The following PTPRD variants were observed in gnomAD, a reference collection of about 807,000 sequenced individuals.
PTPRD encodes the protein protein tyrosine phosphatase receptor type D, also known as receptor-type tyrosine-protein phosphatase delta.
PTPRD carries 34 observed loss-of-function variants against 214.5 expected under a neutral mutation model. The ratio of observed to expected loss-of-function variants is 0.16; its 90% CI spans 0.12 to 0.21. The LOEUF is 0.21. Ranked by LOEUF, PTPRD falls within the 10% of genes least tolerant of loss-of-function variation. PTPRD has a pLI of 1.00. For synonymous variants in PTPRD, 1,128 were observed against 845.7 expected (o/e 1.33, Z -5.79); for missense variants, 2,545 against 2,398.7 (o/e 1.06, Z -1.27).
At chr9:8,866,071 G>A (rs946679772) in intron 11 of PTPRD, among the ~76,000 whole-genome samples, 1 of 152,086 alleles carries the variant, frequency 6.6e-6, no homozygotes, top group Non-Finnish European at 1.5e-5. Flanking sequence ...TCATTTGCCT[G>A]TAAACATTAT....
intron 2 of PTPRD, among the ~76,000 whole-genome samples, chr9:10,426,269 TAATC>T (rs1292008035): frequency 6.6e-6 from 1 of 152,046 alleles, no homozygotes; most frequent in Non-Finnish European, 1.5e-5. Flanking sequence ...AAGTTTAAGT[TAATC>T]AATTCTCATT....
intron 8 of PTPRD, among the ~76,000 whole-genome samples, chr9:9,542,365 A>G (rs1209346154): frequency 1.3e-5 from 2 of 151,724 alleles, no homozygotes; most frequent in Admixed American, 6.6e-5. Flanking sequence ...ATATAGGAGA[A>G]TATCTTCAAG....
chr9:8,887,362 C>G (rs1051077595), intron 11 of PTPRD, among the ~76,000 whole-genome samples: 4 of 152,148 alleles, frequency 2.6e-5, no homozygotes, highest in Admixed American at 2.6e-4. Context: ...GATGCTGGCT[C>G]CTGCACATAG....
intron 12 of PTPRD, among the ~76,000 whole-genome samples, chr9:8,651,748 T>C (rs1283582022): frequency 2.6e-5 from 4 of 152,190 alleles, no homozygotes; most frequent in South Asian, 2.1e-4. Flanking sequence ...CGAAATCTGT[T>C]ATGTTTTGGC....
At chr9:9,759,807 T>C (rs954575292) in intron 6 of PTPRD, among the ~76,000 whole-genome samples, 2 of 152,172 alleles carry the variant, frequency 1.3e-5, no homozygotes, top group African/African-American at 4.8e-5. Context: ...TTCCCCTGCC[T>C]CGGGCTCCCA....
Position 8,515,089 on chromosome 9 carries a change from G to A in PTPRD, c.1543+2759C>T, listed in dbSNP as rs2097761000. On this transcript the variant is annotated intron_variant, in intron 21 of 45. Coordinates refer to ENST00000381196, the MANE Select transcript of PTPRD (RefSeq NM_002839.4). ...TTTCCTTTGTAAATTACTCAGTCAT[G>A]GGTATCTCTTTATAGCAGTGTGAAA... Among the ~76,000 whole-genome samples, 3 of 152,140 alleles carry A rather than the reference G, an allele frequency of 2.0e-5. No homozygotes were observed. The South Asian group carries it at 6.2e-4, about 31-fold the overall frequency.
intron 3 of PTPRD, among the ~76,000 whole-genome samples, chr9:10,266,144 C>T (rs2094040243): frequency 6.6e-6 from 1 of 151,980 alleles, no homozygotes; most frequent in African/African-American, 2.4e-5. Flanking sequence ...CACACACATA[C>T]ACACACACAG....
intron 10 of PTPRD, among the ~76,000 whole-genome samples, chr9:9,074,740 G>T (rs983307606): frequency 1.3e-5 from 2 of 151,422 alleles, no homozygotes; most frequent in Non-Finnish European, 2.9e-5. Context: ...AGTTGTTTGA[G>T]CTCCTTGTAT....
chr9:9,736,895 CACTT>C (rs1169712210), intron 6 of PTPRD, among the ~76,000 whole-genome samples: 2 of 151,982 alleles, frequency 1.3e-5, no homozygotes, highest in African/African-American at 4.8e-5. Context: ...CTTTTTTACT[CACTT>C]ACTGTTTCTT....
At chr9:10,136,609 C>G (rs550902265) in intron 3 of PTPRD, among the ~76,000 whole-genome samples, 1 of 85,830 alleles carries the variant, frequency 1.2e-5, no homozygotes, top group South Asian at 5.6e-4. Flanking sequence ...AGAAGAAAAC[C>G]TAGGCATTAC....
At chr9:8,489,495 C>T (rs2136143093) in intron 27 of PTPRD, among the ~76,000 whole-genome samples, 1 of 152,206 alleles carries the variant, frequency 6.6e-6, no homozygotes, top group East Asian at 1.9e-4. Context: ...GGAAGTGCCA[C>T]AAAGCATAAA....
At position 8,528,788 on chromosome 9, in the gene PTPRD, C is replaced by CA; in HGVS notation, c.353-10dup. On this transcript the variant is annotated splice_polypyrimidine_tract_variant and intron_variant, in intron 14 of 45. Coordinates refer to ENST00000381196, the MANE Select transcript of PTPRD (RefSeq NM_002839.4). ...CCTGGGAATTTGATCTTCTGCAAGA[C>CA]AAAAGGTGATAGAAACATTCAGTTA... 1.2e-6 allele frequency: 2 copies of CA among 1,612,448 alleles called. No individual in the cohort carries two copies. Among genetic ancestry groups the CA allele is most frequent in the Non-Finnish European group, 1.7e-6 (2 of 1,179,050 alleles).
At chr9:9,061,842 G>A (rs1415475376) in intron 10 of PTPRD, among the ~76,000 whole-genome samples, 1 of 152,048 alleles carries the variant, frequency 6.6e-6, no homozygotes, top group Non-Finnish European at 1.5e-5. Flanking sequence ...CCTGTAGAGA[G>A]GCAGGGTTGC....
chr9:9,745,119 T>C lies in PTPRD; in HGVS notation c.-325-10548A>G, dbSNP rs1033381798. On this transcript the variant is annotated intron_variant, in intron 6 of 45. Transcript: ENST00000381196. ...TAACTTAATTATTAAAAATTATAAT[T>C]ATAAAAATAGTTAACCAGAAGAAAA... Among the ~76,000 whole-genome samples the C allele has an allele frequency of 1.3e-5, 2 of 152,030 alleles. 1 individual carries two copies. The highest frequency in any genetic ancestry group is 2.9e-5 in the Non-Finnish European group (2 of 67,978).
At chr9:10,102,831 A>G (rs766950325) in intron 3 of PTPRD, among the ~76,000 whole-genome samples, 4 of 151,720 alleles carry the variant, frequency 2.6e-5, no homozygotes, top group Non-Finnish European at 5.9e-5. Context: ...TTACACTTAC[A>G]TTCTAGTCAA....
chr9:10,131,005 A>G (rs1012069392), intron 3 of PTPRD, among the ~76,000 whole-genome samples: 2 of 152,164 alleles, frequency 1.3e-5, no homozygotes, highest in Non-Finnish European at 2.9e-5. Context: ...CTACCATCAA[A>G]TGCAAGATAA....
At chr9:8,963,676 G>A (rs2099170543) in intron 11 of PTPRD, among the ~76,000 whole-genome samples, 1 of 151,980 alleles carries the variant, frequency 6.6e-6, no homozygotes, top group Non-Finnish European at 1.5e-5. Flanking sequence ...CTGAAGTTCA[G>A]TGGTGCCAAC....
intron 3 of PTPRD, among the ~76,000 whole-genome samples, chr9:10,255,371 C>T (rs928759203): frequency 7.9e-5 from 12 of 152,126 alleles, no homozygotes; most frequent in Non-Finnish European, 1.5e-5. Flanking sequence ...ATACTGAATG[C>T]CATAAGCAAT....
intron 7 of PTPRD, among the ~76,000 whole-genome samples, chr9:9,604,125 G>A (rs2093986916): frequency 6.6e-6 from 1 of 151,818 alleles, no homozygotes; most frequent in South Asian, 2.1e-4. Flanking sequence ...CTAAGTTTTG[G>A]AGAGTTGATC....
Sources: gnomAD v4.1 joint callset for allele counts (sites outside exome capture counted in the v4.1 genomes callset) on GRCh38, gnomAD v4.1.1 for gene constraint, MANE v1.5 for transcripts, NCBI Gene and HGNC (gene_info 2026-07-23, HGNC 2026-07-21) for gene names.